EEPD1: variants seen among roughly 807,000 people sequenced by gnomAD.
EEPD1 encodes the protein endonuclease/exonuclease/phosphatase family domain containing 1.
In EEPD1, 17 loss-of-function variants were observed where a neutral mutation model predicts 46.3. The ratio of observed to expected loss-of-function variants is 0.37; its 90% CI spans 0.25 to 0.55. The LOEUF is 0.55. EEPD1 is among the 20% of genes least tolerant of loss of function. The pLI is 0.83. For synonymous variants in EEPD1, 313 were observed against 315.6 expected, an observed-to-expected ratio of 0.99 and a Z score of 0.09; for missense variants, 673 against 745.6, an observed-to-expected ratio of 0.90 and a Z score of 1.13.
chr7:36,203,477 A>T (rs188961980), intron 2 of EEPD1, among the ~76,000 whole-genome samples: 52 of 152,360 alleles, frequency 3.4e-4, no homozygotes, highest in Admixed American at 2.5e-3. Context: ...ATTCCAGTGC[A>T]GGAGAGGCTG....
rs114892737 is a variant in EEPD1 at position 36,165,038 on chromosome 7, G to A, written c.878+9836G>A. On this transcript the variant is annotated intron_variant, in intron 2 of 7. Transcript: ENST00000242108. ...AGTAAGCTAAGGGTAATTTATTAGTGAAGAAAGAAAAAACTTTTAATTTAG... is the reference window on the plus strand; with the variant it reads ...AGTAAGCTAAGGGTAATTTATTAGTAAAGAAAGAAAAAACTTTTAATTTAG... 9.7e-3 allele frequency among the ~76,000 whole-genome samples: 1,417 copies of A among 145,646 alleles called. 19 individuals are homozygous for A. Among genetic ancestry groups the A allele is most frequent in the African/African-American group, 0.035 (1,355 of 39,112 alleles).
intron 2 of EEPD1, among the ~76,000 whole-genome samples, chr7:36,232,835 G>A (rs932864655): frequency 2.0e-5 from 3 of 151,900 alleles, no homozygotes; most frequent in Admixed American, 1.3e-4. Flanking sequence ...TTAAATCAGA[G>A]TCAGTTGAAG....
intron 2 of EEPD1, chr7:36,228,580 G>A (rs1208296288): frequency 1.3e-5 from 2 of 152,018 alleles, no homozygotes; most frequent in African/African-American, 2.4e-5. Flanking sequence ...TGACGTGAAT[G>A]AAGGAAAAAG....
rs145450212 is a variant in EEPD1, at chr7:36,279,037, A to T, written c.931-2078A>T. Among the ~76,000 whole-genome samples the T allele has an allele frequency of 3.1e-3, 466 of 152,352 alleles. 1 individual carries two copies. Among genetic ancestry groups the T allele is most frequent in the African/African-American group, 0.011 (447 of 41,584 alleles). Reference sequence around the variant, plus strand: ...ATATCTGTATGCAAAGAGTCAGGTTACAATGGAGGCAACTACTTGGATAAT... The same window carrying T: ...ATATCTGTATGCAAAGAGTCAGGTTTCAATGGAGGCAACTACTTGGATAAT... On this transcript the variant is annotated intron_variant, in intron 3 of 7. Transcript: ENST00000242108.
intron 7 of EEPD1, 116 bp downstream of exon 7, chr7:36,297,303 G>T (rs1182878043): frequency 1.0e-5 from 12 of 1,186,080 alleles, no homozygotes; most frequent in South Asian, 4.7e-5. Flanking sequence ...TGTGGTTTAC[G>T]TGACTGTATA....
At chr7:36,159,298 G>A (rs1296059664) in intron 2 of EEPD1, among the ~76,000 whole-genome samples, 1 of 152,162 alleles carries the variant, frequency 6.6e-6, no homozygotes, top group East Asian at 1.9e-4. Flanking sequence ...GAGTTTTGGG[G>A]CAGGTCAAAA....
chr7:36,282,356 G>T (rs937150357), intron 4 of EEPD1, among the ~76,000 whole-genome samples: 1 of 152,204 alleles, frequency 6.6e-6, no homozygotes, highest in Non-Finnish European at 1.5e-5. Context: ...CAGGCATATT[G>T]TTTCATGCCA....
chr7:36,165,168 A>G (rs1784962260), intron 2 of EEPD1, among the ~76,000 whole-genome samples: 1 of 152,184 alleles, frequency 6.6e-6, no homozygotes, highest in African/African-American at 2.4e-5. Flanking sequence ...AGCAACGTCC[A>G]GTCCTGCAAG....
At chr7:36,240,671 A>G (rs539130327) in intron 3 of EEPD1, among the ~76,000 whole-genome samples, 1 of 152,376 alleles carries the variant, frequency 6.6e-6, no homozygotes, top group South Asian at 2.1e-4. Context: ...TTGTATTAAC[A>G]TTAACATTTC....
chr7:36,258,548 C>T (rs1786862575), intron 3 of EEPD1, among the ~76,000 whole-genome samples: 1 of 152,192 alleles, frequency 6.6e-6, no homozygotes, highest in South Asian at 2.1e-4. Flanking sequence ...TCTAGAGAGG[C>T]AGTCTGGCTA....
intron 2 of EEPD1, among the ~76,000 whole-genome samples, chr7:36,202,304 G>A (rs1785724623): frequency 1.3e-5 from 2 of 152,206 alleles, no homozygotes; most frequent in South Asian, 4.1e-4. Flanking sequence ...CTGAGATCCT[G>A]CTGACAGCCT....
chr7:36,247,190 AC>A (rs1303916500), intron 3 of EEPD1, among the ~76,000 whole-genome samples: 1 of 152,064 alleles, frequency 6.6e-6, no homozygotes, highest in Non-Finnish European at 1.5e-5. Context: ...TTCCAGGCAA[AC>A]CCTAGTGGTG....
chr7:36,273,756 G>A (rs149748435), intron 3 of EEPD1, among the ~76,000 whole-genome samples: 76 of 152,270 alleles, frequency 5.0e-4, no homozygotes, highest in African/African-American at 1.8e-3. Flanking sequence ...TGGGGAGACT[G>A]AGGCGCAAAG....
At chr7:36,171,386 C>T (rs1449148396) in intron 2 of EEPD1, among the ~76,000 whole-genome samples, 1 of 152,198 alleles carries the variant, frequency 6.6e-6, no homozygotes, top group Non-Finnish European at 1.5e-5. Context: ...TATATGGTGA[C>T]TCTAAATTGT....
chr7:36,211,751 C>G (rs1785938866), intron 2 of EEPD1, among the ~76,000 whole-genome samples: 1 of 151,956 alleles, frequency 6.6e-6, no homozygotes. Flanking sequence ...ATGGCGAAAC[C>G]CTGTCTCTAC....
chr7:36,160,467 T>C (rs548283379), intron 2 of EEPD1, among the ~76,000 whole-genome samples: 18 of 151,262 alleles, frequency 1.2e-4, no homozygotes, highest in African/African-American at 3.6e-4. Flanking sequence ...CATGGAGGAA[T>C]TGGCAAGTGC....
intron 3 of EEPD1, among the ~76,000 whole-genome samples, chr7:36,262,256 G>T (rs2115832317): frequency 6.6e-6 from 1 of 152,236 alleles, no homozygotes; most frequent in Admixed American, 6.5e-5. Context: ...GCGGAGGATT[G>T]CTTGACCCCA....
At chr7:36,167,029 C>G (rs1390771558) in intron 2 of EEPD1, among the ~76,000 whole-genome samples, 1 of 152,140 alleles carries the variant, frequency 6.6e-6, no homozygotes, top group East Asian at 1.9e-4. Flanking sequence ...TCCCCTTTCC[C>G]TGGTTTGCAG....
chr7:36,216,568 C>T (rs567524908), intron 2 of EEPD1, among the ~76,000 whole-genome samples: 4 of 152,222 alleles, frequency 2.6e-5, no homozygotes, highest in African/African-American at 7.2e-5. Flanking sequence ...TGACCTGGCA[C>T]ACCTGGGAAG....
Sources: gnomAD v4.1 joint callset for allele counts (sites outside exome capture counted in the v4.1 genomes callset) on GRCh38, gnomAD v4.1.1 for gene constraint, MANE v1.5 for transcripts, NCBI Gene and HGNC (gene_info 2026-07-23, HGNC 2026-07-21) for gene names.